TTN: variants seen among roughly 807,000 people sequenced by gnomAD.
TTN encodes connectin.
A neutral mutation model predicts 3,223.0 loss-of-function variants in TTN; 1,525 were observed. That is an observed-to-expected ratio of 0.47 (90% CI 0.45 to 0.49). TTN has a LOEUF of 0.49. TTN is among the 20% of genes least tolerant of loss of function. TTN has a pLI of 0.00. For missense variants in TTN, 40,786 were observed against 43,424.0 expected (o/e 0.94, Z 5.40); for synonymous variants, 14,094 against 15,161.0 (o/e 0.93, Z 5.17).
At chr2:178,785,141 C>A (rs1473730598) in intron 15 of TTN, among the ~76,000 whole-genome samples, 1 of 152,148 alleles carries the variant, frequency 6.6e-6, no homozygotes, top group Non-Finnish European at 1.5e-5. Context: ...CACAATCCAA[C>A]CCGACCACCA....
At position 178,758,015 on chromosome 2, in the gene TTN, C is replaced by G. The variant is rs2087828172; in HGVS notation, c.10304-99G>C. 2.2e-6 allele frequency: 3 copies of G among 1,341,454 alleles called. No homozygotes were observed. The South Asian group carries it at 4.9e-5, about 22-fold the overall frequency. 83.1% of individuals were successfully genotyped at this position (1,341,454 alleles called of 1,614,324 possible). ...ATTTGTCACAAATTTCAATAATGGA[C>G]TAGAATTCAGTCCACTCCTACTGCC... is the stretch of plus-strand genomic sequence containing the variant. On this transcript the variant is annotated intron_variant, in intron 44 of 362. Transcript: ENST00000589042.
rs2066551736 is a variant in TTN, at chr2:178,669,380, CT to C, written c.35537del (p.Glu11846GlyfsTer13). 1.3e-6 allele frequency: 2 copies of C among 1,522,076 alleles called. No homozygotes were observed. Among genetic ancestry groups the C allele is most frequent in the African/African-American group, 2.8e-5 (2 of 71,764 alleles). 94.3% of individuals were successfully genotyped at this position (1,522,076 alleles called of 1,614,324 possible). A position where few individuals can be genotyped will look rare whatever the true frequency, so the allele number is the denominator to read the frequency against. The part of the protein sequence containing the change: ...KSPIVISEDT[E>X]MYIYEASEEA... ...TAATTTTTCTACACTCACTGTACAT[CT>C]CTGTGTCTTCAGAAATAACAATAGG... On this transcript the variant is annotated frameshift_variant, in exon 159 of 363. Coordinates refer to ENST00000589042, the MANE Select transcript of TTN (RefSeq NM_001267550.2). LOFTEE classifies it high-confidence loss of function.
intron 90 of TTN, 22 bp from the exon 91 acceptor site, chr2:178,714,595 C>T: frequency 6.4e-7 from 1 of 1,561,518 alleles, no homozygotes; most frequent in Non-Finnish European, 8.6e-7. Flanking sequence ...GGAGGAAAGC[C>T]TGGGTTTTAA....
chr2:178,552,365 G>C lies in TTN; in HGVS notation c.90535C>G (p.Arg30179Gly), dbSNP rs769360937. The C allele has an allele frequency of 2.3e-5, 37 of 1,594,000 alleles. No individual in the cohort carries two copies. Among genetic ancestry groups the C allele is most frequent in the Non-Finnish European group, 3.1e-5 (36 of 1,169,472 alleles). The change falls in exon 335 of 363, where the codon CGC becomes GGC. Residue 30179 changes from arginine to glycine, a missense_variant. Arg to Gly is a moderately radical substitution (Grantham distance 125). Coordinates refer to ENST00000589042, the MANE Select transcript of TTN (RefSeq NM_001267550.2). ...GLPLKESEFV[R>G]FSKTENKITL... ...ATTTTGTTTTCAGTTTTACTGAAGC[G>C]AACAAATTCACTTTCTTTCAGTGGC... is the stretch of plus-strand genomic sequence containing the variant.
intron 159 of TTN, among the ~76,000 whole-genome samples, chr2:178,669,158 ACT>A (rs1242624362): frequency 6.6e-6 from 1 of 152,096 alleles, no homozygotes; most frequent in African/African-American, 2.4e-5. Flanking sequence ...GAAATCATAC[ACT>A]CTGATAAGTA....
Position 178,539,450 on chromosome 2 carries a change from G to T in TTN, c.98615C>A (p.Ala32872Glu). ...TTTGCTTATGCCAAACTGGTTTTCT[G>T]CTGAAACACGGAAATGGTATTCTAC... Reference protein sequence around the residue: ...ENVEYHFRVSAENQFGISKPL... With the variant: ...ENVEYHFRVSEENQFGISKPL... The change falls in exon 352 of 363, where the codon GCA (alanine) becomes GAA (glutamate). Residue 32872 changes from alanine to glutamate, a missense_variant. By Grantham distance (107) the Ala-to-Glu change is moderately radical (BLOSUM62 -1). Transcript: ENST00000589042. The T allele has an allele frequency of 6.2e-7, 1 of 1,613,816 alleles. No homozygotes were observed. Among genetic ancestry groups the T allele is most frequent in the Non-Finnish European group, 8.5e-7 (1 of 1,179,786 alleles).
In TTN at chr2:178,764,629, G is replaced by A. The variant is rs1449589213; in HGVS notation, c.9886C>T (p.Leu3296Phe). 1.2e-6 allele frequency: 2 copies of A among 1,614,090 alleles called. No homozygotes were observed. The highest frequency in any genetic ancestry group is 1.1e-5 in the South Asian group (1 of 91,072). The part of the protein sequence containing the change: ...KFLHDGQEYT[L>F]LLIEAFPEDA... The stretch of plus-strand genomic sequence containing the variant: ...TCTGGGAAGGCTTCAATTAGCAAAA[G>A]CGTGTATTCTTGCCCATCATGAAGA... The change falls in exon 42 of 363, where the codon CTT (leucine) becomes TTT (phenylalanine). Residue 3296 changes from leucine to phenylalanine, a missense_variant. Transcript: ENST00000589042.
chr2:178,529,512 G>T (rs1374202538), intron 359 of TTN, among the ~76,000 whole-genome samples: 1 of 152,220 alleles, frequency 6.6e-6, no homozygotes, highest in African/African-American at 2.4e-5. Flanking sequence ...GGATTTGGGA[G>T]ATTTTGAGTA....
Position 178,527,246 on chromosome 2 carries a change from T to C in TTN, c.107742A>G (p.Leu35914=), listed in dbSNP as rs745406838. Reference sequence around the variant, plus strand: ...CACCCGTGAAAGCACAGGCTACTGTTAGAACTTTGCCTTCATCAATGCTGA... The same window carrying C: ...CACCCGTGAAAGCACAGGCTACTGTCAGAACTTTGCCTTCATCAATGCTGA... ...SDISIDEGKV[L]TVACAFTGEP... is the part of the protein sequence containing the mutation. Residue 35914 remains leucine (L), a synonymous_variant, in exon 363 of 363, where the codon CTA becomes CTG. Coordinates refer to ENST00000589042, the MANE Select transcript of TTN (RefSeq NM_001267550.2). The C allele has an allele frequency of 6.2e-7, 1 of 1,613,500 alleles. No homozygotes were observed. Among genetic ancestry groups the C allele is most frequent in the Non-Finnish European group, 8.5e-7 (1 of 1,179,552 alleles).
At chr2:178,680,594 C>T (rs1482172901) in intron 138 of TTN, among the ~76,000 whole-genome samples, 1 of 151,888 alleles carries the variant, frequency 6.6e-6, no homozygotes, top group Non-Finnish European at 1.5e-5. Context: ...AATATCTCTG[C>T]TTGAAAGAAA....
At chr2:178,726,880 C>A in intron 69 of TTN, 1 of 419,544 alleles carries the variant, frequency 2.4e-6, no homozygotes, top group African/African-American at 2.0e-5. Flanking sequence ...AATTATGACA[C>A]TGGAATAACA....
Position 178,584,515 on chromosome 2 carries a change from G to C in TTN, c.65036C>G (p.Ala21679Gly). The stretch of plus-strand genomic sequence containing the variant: ...TCCATCACTATCTGGTCTGTCCCAA[G>C]CAACAAAAATACAGTCCTTGTTGAC... ...TKVNKDCIFVAWDRPDSDGGS... is the reference protein window; with the variant it reads ...TKVNKDCIFVGWDRPDSDGGS... Residue 21679 changes from alanine to glycine, a missense_variant, in exon 311 of 363, where the codon GCT becomes GGT. By Grantham distance (60) the Ala-to-Gly change is moderately conservative. Coordinates refer to ENST00000589042, the MANE Select transcript of TTN (RefSeq NM_001267550.2). 1 of 1,613,190 alleles carries C rather than the reference G, an allele frequency of 6.2e-7. No individual in the cohort carries two copies. The highest frequency in any genetic ancestry group is 2.2e-5 in the East Asian group (1 of 44,660).
Position 178,773,469 on chromosome 2 carries a change from A to G in TTN, c.7587T>C (p.Ser2529=). Residue 2529 remains serine (S), a synonymous_variant, in exon 32 of 363, where the codon TCT becomes TCC. Coordinates refer to ENST00000589042, the MANE Select transcript of TTN (RefSeq NM_001267550.2). ...VGRVETNCNL[S]VEKIKIIRGL... is the part of the protein sequence containing the mutation. ...AGGTAGAATAATCCTTACTTTCTAC[A>G]GAGAGATTACAGTTGGTTTCAACTC... The G allele has an allele frequency of 6.2e-7, 1 of 1,614,066 alleles. No individual in the cohort carries two copies. Among genetic ancestry groups the G allele is most frequent in the Non-Finnish European group, 8.5e-7 (1 of 1,179,972 alleles).
rs1178562552 is a variant in TTN at position 178,757,435 on chromosome 2, G to A, written c.10678+107C>T. ...CATGTTATTTTATTAGTAAGTTATG[G>A]ACTGACCACAGTATGCAATAAAACA... On this transcript the variant is annotated intron_variant, in intron 45 of 362. Coordinates refer to ENST00000589042, the MANE Select transcript of TTN (RefSeq NM_001267550.2). 13 of 1,376,086 alleles carry A rather than the reference G, an allele frequency of 9.4e-6. No homozygotes were observed. The East Asian group carries it at 2.9e-4, about 30-fold the overall frequency. 85.2% of individuals were successfully genotyped at this position (1,376,086 alleles called of 1,614,324 possible).
chr2:178,652,503 C>T lies in TTN; in HGVS notation c.39082G>A (p.Val13028Met), dbSNP rs73038314. Residue 13028 changes from valine to methionine, a missense_variant, in exon 202 of 363, where the codon GTG becomes ATG. Physicochemically the swap from Val to Met is conservative, Grantham distance 21 (BLOSUM62 1). Transcript: ENST00000589042. ...APKEVVPEKK[V>M]PAAPPKKPEV... ...GGCTTTTTAGGAGGAGCCGCTGGCA[C>T]TTTCTTTTCAGGAACAACTTCTTTC... 3,349 of 1,613,278 alleles carry T rather than the reference C, an allele frequency of 2.1e-3. 51 individuals carry two copies. In the African/African-American group the frequency reaches 0.032, roughly 15 times the overall value.
Position 178,548,146 on chromosome 2 carries a change from C to A in TTN, c.93480G>T (p.Trp31160Cys). The change falls in exon 339 of 363, where the codon TGG becomes TGT. Residue 31160 changes from tryptophan (W) to cysteine (C), a missense_variant. Transcript: ENST00000589042. The surrounding 1 kb of genome is among the most constrained non-coding windows in gnomAD (Gnocchi z 4.3). ...LEMRQKGSDF[W>C]VEAGHTKQLT... is the part of the protein sequence containing the mutation. ...GCTGTTTGGTGTGACCAGCTTCAAC[C>A]CAGAAGTCAGATCCCTTTTGTCTCA... 1.2e-6 allele frequency: 2 copies of A among 1,613,826 alleles called. No individual in the cohort carries two copies. Among genetic ancestry groups the A allele is most frequent in the Non-Finnish European group, 1.7e-6 (2 of 1,179,814 alleles).
rs1242580095 is a variant in TTN, at chr2:178,530,349, A to T, written c.106266T>A (p.Ile35422=). Residue 35422 remains isoleucine, a synonymous_variant, in exon 358 of 363, where the codon ATT becomes ATA. Coordinates refer to ENST00000589042, the MANE Select transcript of TTN (RefSeq NM_001267550.2). ...CAGTTGTATCCTGCAACCCAGTAAC[A>T]ATTACTGGTTTTGAGGAAATTGGTT... ...APEPISSKPV[I]VTGLQDTTVS... The T allele has an allele frequency of 2.5e-6, 4 of 1,613,924 alleles. No homozygotes were observed. In the Admixed American group the frequency reaches 6.7e-5, roughly 27 times the overall value.
intron 213 of TTN, 132 bp downstream of exon 213, chr2:178,649,116 T>A (rs2062497942): frequency 1.4e-6 from 1 of 706,578 alleles, no homozygotes; most frequent in African/African-American, 1.9e-5. Flanking sequence ...TTTTTTCCCT[T>A]CATTATTTCC....
rs747149875 is a variant in TTN at position 178,573,562 on chromosome 2, G to A, written c.72570C>T (p.Gly24190=). Residue 24190 remains glycine, a synonymous_variant, in exon 326 of 363, where the codon GGC becomes GGT. Coordinates refer to ENST00000589042, the MANE Select transcript of TTN (RefSeq NM_001267550.2). ...TKLKVTKLLK[G]NEYIFRVMAV... The stretch of plus-strand genomic sequence containing the variant: ...CCATGACACGGAATATGTATTCATT[G>A]CCTTTCAAGAGTTTAGTGACCTTTA... 1 of 1,496,804 alleles carries A rather than the reference G, an allele frequency of 6.7e-7. No individual in the cohort carries two copies. The highest frequency in any genetic ancestry group is 8.9e-7 in the Non-Finnish European group (1 of 1,125,906). 92.7% of individuals were successfully genotyped at this position (1,496,804 alleles called of 1,614,324 possible). A position where few individuals can be genotyped will look rare whatever the true frequency, so the allele number is the denominator to read the frequency against.
Sources: gnomAD v4.1 joint callset for allele counts (sites outside exome capture counted in the v4.1 genomes callset) on GRCh38, gnomAD v4.1.1 for gene constraint, Gnocchi (gnomAD v3.1) non-coding constraint, MANE v1.5 for transcripts, NCBI Gene and HGNC (gene_info 2026-07-23, HGNC 2026-07-21) for gene names.